Variants in SPIDR observed in about 807,000 individuals in gnomAD.
SPIDR encodes the protein scaffold protein involved in DNA repair.
In SPIDR, 93 loss-of-function variants were observed where a neutral mutation model predicts 104.6. That is an observed-to-expected ratio of 0.89 (90% CI 0.75 to 1.06). The LOEUF is 1.06. SPIDR is among the 50% of genes least tolerant of loss of function. The pLI is 0.00. For missense variants in SPIDR, 1,154 were observed against 1,111.2 expected, an observed-to-expected ratio of 1.04 and a Z score of -0.55; for synonymous variants, 431 against 416.9, an observed-to-expected ratio of 1.03 and a Z score of -0.41.
At chr8:47,348,574 T>C (rs1170480032) in intron 5 of SPIDR, among the ~76,000 whole-genome samples, 2 of 152,250 alleles carry the variant, frequency 1.3e-5, no homozygotes, top group Non-Finnish European at 2.9e-5. Flanking sequence ...CCATTCTCCC[T>C]GTAACTTTCA....
chr8:47,293,091 C>G (rs906574871), intron 4 of SPIDR, among the ~76,000 whole-genome samples: 28 of 152,134 alleles, frequency 1.8e-4, no homozygotes, highest in Admixed American at 1.6e-3. Context: ...ATCTGCTTCT[C>G]TCAGTGGTGG....
intron 8 of SPIDR, among the ~76,000 whole-genome samples, chr8:47,584,600 A>G (rs2060074268): frequency 6.6e-6 from 1 of 152,252 alleles, no homozygotes; most frequent in East Asian, 1.9e-4. Flanking sequence ...GGCAGAACAT[A>G]CATAGTTCTA....
chr8:47,498,102 T>G (rs2079737675), intron 8 of SPIDR, among the ~76,000 whole-genome samples: 1 of 152,226 alleles, frequency 6.6e-6, no homozygotes, highest in African/African-American at 2.4e-5. Context: ...GAATTAACTG[T>G]AACTTTCAAT....
rs756365854 is a variant in SPIDR, at chr8:47,454,880, C to CA, written c.1097+14347dup. Among the ~76,000 whole-genome samples, 207 of 147,990 alleles carry CA rather than the reference C, an allele frequency of 1.4e-3. 2 individuals carry two copies. Among genetic ancestry groups the CA allele is most frequent in the Non-Finnish European group, 1.9e-3 (124 of 66,950 alleles). On this transcript the variant is annotated intron_variant, in intron 8 of 19. Transcript: ENST00000297423. ...CAGACAACACATCAAACTGCTGTCT[C>CA]AAAAAAAAATAATAATAATAAATAA...
At chr8:47,547,343 C>T in intron 8 of SPIDR, 1 of 498,080 alleles carries the variant, frequency 2.0e-6, no homozygotes, top group Non-Finnish European at 4.0e-6. Context: ...ATGAATCCAG[C>T]AGGGTGGGTT....
At position 47,392,535 on chromosome 8, in the gene SPIDR, T is replaced by G. The variant is rs569354952; in HGVS notation, c.526-3841T>G. The stretch of plus-strand genomic sequence containing the variant: ...ATTCAGTATATTCTTAGATATTAGC[T>G]AATTCTCACTGAGGAAGCAATAGCT... On this transcript the variant is annotated intron_variant, in intron 5 of 19. Transcript: ENST00000297423. Among the ~76,000 whole-genome samples, 14 of 152,366 alleles carry G rather than the reference T, an allele frequency of 9.2e-5. No homozygotes were observed. In the South Asian group the frequency reaches 2.5e-3, roughly 27 times the overall value.
intron 10 of SPIDR, among the ~76,000 whole-genome samples, chr8:47,604,183 G>T (rs887053541): frequency 6.6e-6 from 1 of 152,218 alleles, no homozygotes; most frequent in Non-Finnish European, 1.5e-5. Flanking sequence ...AGTTTAGAGG[G>T]TTCAAAGATG....
At chr8:47,500,955 A>G (rs1395879542) in intron 8 of SPIDR, among the ~76,000 whole-genome samples, 1 of 152,128 alleles carries the variant, frequency 6.6e-6, no homozygotes, top group Non-Finnish European at 1.5e-5. Flanking sequence ...ATGGTTGTAG[A>G]TATGCGGCAT....
chr8:47,691,290 CA>C (rs60147394), intron 11 of SPIDR, among the ~76,000 whole-genome samples: 38,911 of 86,604 alleles, frequency 0.45, 5,530 homozygotes, highest in East Asian at 0.59. Context: ...GACTCCGTCT[CA>C]AAAAAAAAAA....
intron 5 of SPIDR, among the ~76,000 whole-genome samples, chr8:47,385,809 T>C (rs1377912575): frequency 6.6e-6 from 1 of 152,202 alleles, no homozygotes; most frequent in East Asian, 1.9e-4. Flanking sequence ...TTTTGTCCTC[T>C]TTTGTTGTTG....
intron 5 of SPIDR, among the ~76,000 whole-genome samples, chr8:47,386,413 T>A (rs1554648256): frequency 6.6e-6 from 1 of 152,226 alleles, no homozygotes; most frequent in Non-Finnish European, 1.5e-5. Flanking sequence ...ATGTATATTT[T>A]AAAATTTTTT....
intron 8 of SPIDR, among the ~76,000 whole-genome samples, chr8:47,512,340 TGGTGA>T (rs1403719960): frequency 2.6e-5 from 4 of 152,190 alleles, no homozygotes; most frequent in Non-Finnish European, 5.9e-5. Context: ...CTGTTGCCTA[TGGTGA>T]TTGGTCCACT....
At chr8:47,265,205 T>G (rs915561382) in intron 1 of SPIDR, among the ~76,000 whole-genome samples, 10 of 149,896 alleles carry the variant, frequency 6.7e-5, no homozygotes, top group Non-Finnish European at 1.5e-4. Context: ...TTTTTTTTTT[T>G]TTTTGAGACA....
At chr8:47,553,266 C>T (rs2154398149) in intron 8 of SPIDR, among the ~76,000 whole-genome samples, 1 of 152,252 alleles carries the variant, frequency 6.6e-6, no homozygotes, top group East Asian at 1.9e-4. Context: ...CGAGGAGTGT[C>T]TTTGTGGCAT....
intron 8 of SPIDR, among the ~76,000 whole-genome samples, chr8:47,493,016 GGAGAGAGAGAGAGA>G (rs35531714): frequency 7.1e-6 from 1 of 140,394 alleles, no homozygotes; most frequent in Non-Finnish European, 1.6e-5. Flanking sequence ...TTGAGCCATT[GGAGAGAGAGAGAGA>G]GAGAGAGAGT....
At chr8:47,356,581 T>G (rs2054594525) in intron 5 of SPIDR, among the ~76,000 whole-genome samples, 1 of 152,204 alleles carries the variant, frequency 6.6e-6, no homozygotes, top group African/African-American at 2.4e-5. Context: ...CAGGATTATA[T>G]ACGATAGTTA....
intron 6 of SPIDR, among the ~76,000 whole-genome samples, chr8:47,399,487 G>C (rs2061601562): frequency 6.6e-6 from 1 of 152,206 alleles, no homozygotes; most frequent in African/African-American, 2.4e-5. Flanking sequence ...TGACAGGGAG[G>C]ATGAGAACGG....
At chr8:47,288,311 T>C (rs2039254657) in intron 3 of SPIDR, among the ~76,000 whole-genome samples, 1 of 151,716 alleles carries the variant, frequency 6.6e-6, no homozygotes, top group East Asian at 1.9e-4. Flanking sequence ...TTTGAGATAA[T>C]GTCTCACTCT....
At chr8:47,280,416 G>A (rs1167830560) in intron 2 of SPIDR, among the ~76,000 whole-genome samples, 1 of 142,884 alleles carries the variant, frequency 7.0e-6, no homozygotes, top group East Asian at 2.0e-4. Context: ...TTTTGGAGAC[G>A]GAGTCTCACT....
Sources: allele counts gnomAD v4.1 joint callset (sites outside exome capture counted in the v4.1 genomes callset), GRCh38; gene constraint gnomAD v4.1.1; transcripts MANE v1.5; gene names NCBI Gene and HGNC (gene_info 2026-07-23, HGNC 2026-07-21).